The following SPIDR variants were observed in gnomAD, a reference collection of about 807,000 sequenced individuals.
SPIDR encodes scaffold protein involved in DNA repair, also known as DNA repair-scaffolding protein.
In SPIDR, 93 loss-of-function variants were observed where a neutral mutation model predicts 104.6. The ratio of observed to expected loss-of-function variants is 0.89; its 90% CI spans 0.75 to 1.06. The LOEUF (loss-of-function observed/expected upper bound fraction) is 1.06. SPIDR is among the 50% of genes least tolerant of loss of function. The pLI, the probability that SPIDR is intolerant of heterozygous loss-of-function variation, is 0.00. For synonymous variants in SPIDR, 431 were observed against 416.9 expected, an observed-to-expected ratio of 1.03 and a Z score of -0.41; for missense variants, 1,154 against 1,111.2, an observed-to-expected ratio of 1.04 and a Z score of -0.55.
intron 1 of SPIDR, among the ~76,000 whole-genome samples, chr8:47,264,038 A>G (rs1463560857): frequency 1.3e-5 from 2 of 152,228 alleles, no homozygotes; most frequent in African/African-American, 4.8e-5. Flanking sequence ...AAGATTTGCA[A>G]GTATTCCAGG....
At chr8:47,488,704 A>G (rs983721240) in intron 8 of SPIDR, among the ~76,000 whole-genome samples, 3 of 152,188 alleles carry the variant, frequency 2.0e-5, no homozygotes, top group Admixed American at 2.0e-4. Flanking sequence ...AACATACGCA[A>G]ATCAATAAAT....
In SPIDR at chr8:47,341,629, G is replaced by T. The variant is rs116486139; in HGVS notation, c.525+47599G>T. 9.8e-3 allele frequency among the ~76,000 whole-genome samples: 1,492 copies of T among 151,830 alleles called. 28 individuals carry two copies. The highest frequency in any genetic ancestry group is 0.033 in the African/African-American group (1,382 of 41,390). On this transcript the variant is annotated intron_variant, in intron 5 of 19. Transcript: ENST00000297423. ...CAGAACTTTTTTTTCCCTACACCTG[G>T]ATCTCCACCCCTGTGTTTGCTGTTG...
At chr8:47,529,693 A>G (rs2085609475) in intron 8 of SPIDR, among the ~76,000 whole-genome samples, 1 of 152,196 alleles carries the variant, frequency 6.6e-6, no homozygotes, top group Admixed American at 6.5e-5. Flanking sequence ...GGTAAAATAA[A>G]ACCTCAATTG....
chr8:47,530,399 G>A (rs548596737), intron 8 of SPIDR, among the ~76,000 whole-genome samples: 11 of 152,196 alleles, frequency 7.2e-5, no homozygotes, highest in African/African-American at 2.6e-4. Flanking sequence ...AGCTGAGATC[G>A]GGCCTGTGCA....
Position 47,334,089 on chromosome 8 carries a change from T to G in SPIDR, c.525+40059T>G, listed in dbSNP as rs2049257294. On this transcript the variant is annotated intron_variant, in intron 5 of 19. Coordinates refer to ENST00000297423, the MANE Select transcript of SPIDR (RefSeq NM_001080394.4). ...TTAGTTTTCACATATTTTGGGATGT[T>G]CCATGTATCTTTCTGTTAATTGATC... Among the ~76,000 whole-genome samples the G allele has an allele frequency of 2.0e-5, 3 of 152,356 alleles. No individual in the cohort carries two copies. The East Asian group carries it at 5.8e-4, about 29-fold the overall frequency.
intron 5 of SPIDR, among the ~76,000 whole-genome samples, chr8:47,314,638 T>G: frequency 6.6e-6 from 1 of 152,246 alleles, no homozygotes; most frequent in South Asian, 2.1e-4. Context: ...TGAGGGTAAC[T>G]GCTCCATGAT....
intron 11 of SPIDR, among the ~76,000 whole-genome samples, chr8:47,693,014 G>T (rs77719799): frequency 0.01 from 1,582 of 152,220 alleles, 26 homozygotes; most frequent in African/African-American, 0.036. Flanking sequence ...CCAGCCTAAT[G>T]GTACATTTTA....
intron 5 of SPIDR, among the ~76,000 whole-genome samples, chr8:47,296,529 C>G (rs950079971): frequency 2.0e-5 from 3 of 152,124 alleles, no homozygotes; most frequent in Admixed American, 6.6e-5. Context: ...TGTCCTCTTT[C>G]CATTGTATAT....
intron 8 of SPIDR, among the ~76,000 whole-genome samples, chr8:47,534,127 T>C (rs2086516668): frequency 6.6e-6 from 1 of 152,234 alleles, no homozygotes; most frequent in African/African-American, 2.4e-5. Flanking sequence ...TCTCTCCTGC[T>C]GCCCTGTGAA....
chr8:47,581,794 G>A (rs1171540647), intron 8 of SPIDR, among the ~76,000 whole-genome samples: 3 of 152,168 alleles, frequency 2.0e-5, no homozygotes, highest in Admixed American at 2.0e-4. Flanking sequence ...ATTTCTATTT[G>A]CCTTTGTTTT....
intron 11 of SPIDR, among the ~76,000 whole-genome samples, chr8:47,684,482 T>C (rs997985330): frequency 6.6e-6 from 1 of 152,320 alleles, no homozygotes; most frequent in South Asian, 2.1e-4. Flanking sequence ...GGTTAATACA[T>C]TGGTTTTTAA....
intron 5 of SPIDR, among the ~76,000 whole-genome samples, chr8:47,395,290 A>G (rs1393382081): frequency 6.6e-6 from 1 of 152,182 alleles, no homozygotes; most frequent in Non-Finnish European, 1.5e-5. Context: ...CAGAAGTAGC[A>G]ATGAGCCGAG....
intron 5 of SPIDR, among the ~76,000 whole-genome samples, chr8:47,325,439 C>G (rs2047497722): frequency 6.6e-6 from 1 of 152,226 alleles, no homozygotes; most frequent in East Asian, 1.9e-4. Context: ...AAGGAGCCCA[C>G]AAGAGAAATT....
intron 8 of SPIDR, among the ~76,000 whole-genome samples, chr8:47,515,527 G>A (rs1277682081): frequency 6.6e-6 from 1 of 152,160 alleles, no homozygotes; most frequent in Non-Finnish European, 1.5e-5. Context: ...CTTGGGAAGT[G>A]TCCCAATCCC....
intron 10 of SPIDR, among the ~76,000 whole-genome samples, chr8:47,666,653 A>G (rs963493963): frequency 6.6e-6 from 1 of 152,250 alleles, no homozygotes; most frequent in Non-Finnish European, 1.5e-5. Flanking sequence ...GAATGCAAAT[A>G]GAACAGGATC....
At chr8:47,439,243 T>G (rs1400218422) in intron 7 of SPIDR, among the ~76,000 whole-genome samples, 1 of 152,226 alleles carries the variant, frequency 6.6e-6, no homozygotes, top group Non-Finnish European at 1.5e-5. Flanking sequence ...ATACTCCTCT[T>G]TCTCTCTCCT....
intron 6 of SPIDR, among the ~76,000 whole-genome samples, chr8:47,406,483 A>T (rs2062772842): frequency 6.6e-6 from 1 of 152,230 alleles, no homozygotes; most frequent in South Asian, 2.1e-4. Context: ...GTAGAGGTTG[A>T]CATGTAGAGG....
intron 8 of SPIDR, among the ~76,000 whole-genome samples, chr8:47,490,739 C>T (rs550607607): frequency 3.3e-5 from 5 of 152,260 alleles, no homozygotes; most frequent in South Asian, 2.1e-4. Context: ...AGCAAACTAT[C>T]GCAAGGACAA....
At chr8:47,407,291 C>T (rs1167359560) in intron 6 of SPIDR, among the ~76,000 whole-genome samples, 2 of 152,266 alleles carry the variant, frequency 1.3e-5, no homozygotes, top group Non-Finnish European at 2.9e-5. Flanking sequence ...GATTGATACT[C>T]AAATATCTCT....
Sources: allele counts gnomAD v4.1 joint callset (sites outside exome capture counted in the v4.1 genomes callset), GRCh38; gene constraint gnomAD v4.1.1; transcripts MANE v1.5; gene names NCBI Gene and HGNC (gene_info 2026-07-23, HGNC 2026-07-21).